ZNF730: variants seen among roughly 807,000 people sequenced by gnomAD.
ZNF730 encodes putative zinc finger protein 730.
In ZNF730, 12 loss-of-function variants were observed where a neutral mutation model predicts 12.6. The ratio of observed to expected loss-of-function variants is 0.95; its 90% CI spans 0.61 to 1.54. ZNF730 has a LOEUF of 1.54. Ranked by LOEUF, ZNF730 falls within the 40% of genes most tolerant of loss-of-function variation. The pLI, the probability that ZNF730 is intolerant of heterozygous loss-of-function variation, is 0.00. For synonymous variants in ZNF730, 194 were observed against 195.8 expected (o/e 0.99, Z 0.08); for missense variants, 643 against 583.5 (o/e 1.10, Z -1.05).
Position 23,145,871 on chromosome 19 carries a change from G to T in ZNF730, c.827G>T (p.Arg276Ile), listed in dbSNP as rs1970998695. The change falls in exon 4 of 4, where the codon AGA becomes ATA. Residue 276 changes from arginine to isoleucine, a missense_variant. Physicochemically the swap from Arg to Ile is moderately conservative, Grantham distance 97. Coordinates refer to ENST00000597761, the MANE Select transcript of ZNF730 (RefSeq NM_001277403.2). ...NQSTNLTTHK[R>I]IHTGEKPYKC... ...TCCACAAACCTTACTACACATAAAA[G>T]AATTCATACTGGAGAGAAACCCTAT... is the stretch of plus-strand genomic sequence containing the variant. The T allele has an allele frequency of 2.5e-6, 4 of 1,607,706 alleles. No individual in the cohort carries two copies. The highest frequency in any genetic ancestry group is 2.2e-5 in the East Asian group (1 of 44,724).
intron 1 of ZNF730, chr19:23,127,161 A>G: frequency 3.7e-6 from 2 of 534,226 alleles, no homozygotes; most frequent in East Asian, 4.6e-5. Context: ...ATGTTTGTTC[A>G]TGCTCAAAGA....
intron 1 of ZNF730, among the ~76,000 whole-genome samples, chr19:23,088,286 G>A (rs8101227): frequency 0.051 from 7,644 of 151,064 alleles, 228 homozygotes; most frequent in Middle Eastern, 0.091. Context: ...TCCCAAAGTG[G>A]TGGGATTACA....
upstream of ZNF730, among the ~76,000 whole-genome samples, chr19:23,114,128 C>T (rs1308346296): frequency 6.6e-6 from 1 of 152,080 alleles, no homozygotes; most frequent in African/African-American, 2.4e-5. Context: ...TATTTCACTT[C>T]TATTTTCTGA....
At chr19:23,077,896 A>T (rs1006374506) in intron 1 of ZNF730, among the ~76,000 whole-genome samples, 7 of 152,184 alleles carry the variant, frequency 4.6e-5, no homozygotes, top group African/African-American at 1.7e-4. Context: ...CACAGAGACA[A>T]GTGCTGTGTT....
chr19:23,094,493 T>C (rs1970218284), intron 1 of ZNF730, among the ~76,000 whole-genome samples: 1 of 151,974 alleles, frequency 6.6e-6, no homozygotes, highest in South Asian at 2.1e-4. Flanking sequence ...ATTTATTTAT[T>C]TATTTTGAGA....
intron 1 of ZNF730, among the ~76,000 whole-genome samples, chr19:23,086,990 T>C (rs949650895): frequency 6.6e-6 from 1 of 152,076 alleles, no homozygotes; most frequent in Admixed American, 6.6e-5. Context: ...GTTCTCCTTG[T>C]AGAGATCTTT....
chr19:23,124,759 A>G (rs1446651173), intron 1 of ZNF730, among the ~76,000 whole-genome samples: 3 of 152,214 alleles, frequency 2.0e-5, no homozygotes, highest in African/African-American at 7.2e-5. Flanking sequence ...TTGGGTGAAA[A>G]ACAAGGAAGA....
intron 1 of ZNF730, among the ~76,000 whole-genome samples, chr19:23,131,715 GA>G (rs1970744850): frequency 6.6e-6 from 1 of 152,186 alleles, no homozygotes; most frequent in African/African-American, 2.4e-5. Context: ...GCATTGATAG[GA>G]AACTTGTTTA....
chr19:23,123,613 C>T (rs1478769376), intron 1 of ZNF730: 1 of 147,468 alleles, frequency 6.8e-6, no homozygotes, highest in African/African-American at 2.5e-5. Flanking sequence ...TAAAATTCTG[C>T]TGAGAACATG....
chr19:23,108,786 A>G (rs574554566), intron 1 of ZNF730, among the ~76,000 whole-genome samples: 9 of 152,046 alleles, frequency 5.9e-5, no homozygotes, highest in East Asian at 5.8e-4. Context: ...GTCTCACTCT[A>G]TTGCCCTGGC....
At chr19:23,130,588 G>A in intron 1 of ZNF730, among the ~76,000 whole-genome samples, 1 of 152,192 alleles carries the variant, frequency 6.6e-6, no homozygotes, top group Non-Finnish European at 1.5e-5. Flanking sequence ...TGAACAGAAG[G>A]GTTGTTATGA....
rs554932253 is a variant in ZNF730 at position 23,134,442 on chromosome 19, G to C, written c.130+236G>C. Among the ~76,000 whole-genome samples, 454 of 144,288 alleles carry C rather than the reference G, an allele frequency of 3.1e-3. 1 individual carries two copies. The highest frequency in any genetic ancestry group is 8.9e-3 in the African/African-American group (343 of 38,668). The allele number at this position is 144,288 out of a possible 152,430, so 94.7% of individuals were successfully genotyped here. The stretch of plus-strand genomic sequence containing the variant: ...CCAGTCCGGGAGGGAGGCGGAGGGG[G>C]GTCGGCCAGCCGCCCTGTCCGGGAG... On this transcript the variant is annotated intron_variant, in intron 2 of 3. Transcript: ENST00000597761.
chr19:23,145,275 A>T lies in ZNF730; in HGVS notation c.231A>T (p.Ile77=), dbSNP rs779434925. 5 of 1,515,070 alleles carry T rather than the reference A, an allele frequency of 3.3e-6. No homozygotes were observed. The Admixed American group carries it at 6.8e-5, about 21-fold the overall frequency. 93.9% of individuals were successfully genotyped at this position (1,515,070 alleles called of 1,614,324 possible). A position where few individuals can be genotyped will look rare whatever the true frequency, so the allele number is the denominator to read the frequency against. Residue 77 remains isoleucine, a synonymous_variant, in exon 4 of 4, where the codon ATA becomes ATT. Transcript: ENST00000597761. The part of the protein sequence containing the change: ...THDMVAKPPV[I]CSHIAQDLWP... ...TGTTATTTTTATTTCTTTCAGTTAT[A>T]TGTTCTCATATTGCCCAAGACCTTT...
chr19:23,135,387 A>G (rs1206286850), intron 2 of ZNF730, among the ~76,000 whole-genome samples: 1 of 151,872 alleles, frequency 6.6e-6, no homozygotes, highest in Non-Finnish European at 1.5e-5. Flanking sequence ...TTTAGTTGCA[A>G]CATATTGTTG....
At chr19:23,106,361 A>G (rs1005411599) in intron 1 of ZNF730, among the ~76,000 whole-genome samples, 3 of 152,190 alleles carry the variant, frequency 2.0e-5, no homozygotes, top group Non-Finnish European at 4.4e-5. Context: ...ACTGAACATC[A>G]CAGAGAATAA....
At chr19:23,106,200 G>A (rs1346875813) in intron 1 of ZNF730, among the ~76,000 whole-genome samples, 1 of 151,898 alleles carries the variant, frequency 6.6e-6, no homozygotes, top group Non-Finnish European at 1.5e-5. Flanking sequence ...AGGAGAAAAG[G>A]AAGGGGAAGA....
At chr19:23,129,497 C>G (rs1476797868) in intron 1 of ZNF730, among the ~76,000 whole-genome samples, 2 of 151,682 alleles carry the variant, frequency 1.3e-5, no homozygotes, top group Non-Finnish European at 2.9e-5. Flanking sequence ...ATTTTGGACT[C>G]GCATGGGGCC....
At chr19:23,139,069 A>T (rs1032775152) in intron 3 of ZNF730, among the ~76,000 whole-genome samples, 1 of 152,200 alleles carries the variant, frequency 6.6e-6, no homozygotes, top group African/African-American at 2.4e-5. Context: ...GTCTGAAGTA[A>T]ATTAGATAAT....
chr19:23,134,292 G>A lies in ZNF730; in HGVS notation c.130+86G>A, dbSNP rs189656056. On this transcript the variant is annotated intron_variant, in intron 2 of 3. Coordinates refer to ENST00000597761, the MANE Select transcript of ZNF730 (RefSeq NM_001277403.2). ...AAAATTCTGTGCTTTCAGATCCCGG[G>A]TTTTTTTCTTTTTCTTTTTCTTTTT... The A allele has an allele frequency of 4.1e-5, 50 of 1,215,198 alleles. No homozygotes were observed. In the East Asian group the frequency reaches 1.1e-3, roughly 26 times the overall value. 75.3% of individuals were successfully genotyped at this position (1,215,198 alleles called of 1,614,324 possible).
Sources: allele counts gnomAD v4.1 joint callset (sites outside exome capture counted in the v4.1 genomes callset), GRCh38; gene constraint gnomAD v4.1.1; transcripts MANE v1.5; gene names NCBI Gene and HGNC (gene_info 2026-07-23, HGNC 2026-07-21).